Variants in SLC13A3 observed in about 807,000 individuals in gnomAD.
The protein encoded by SLC13A3 is Na(+)/dicarboxylate cotransporter 3.
A neutral mutation model predicts 59.0 loss-of-function variants in SLC13A3; 40 were observed. That is an observed-to-expected ratio of 0.68 (90% CI 0.53 to 0.88). The LOEUF is 0.88. Ranked by LOEUF, SLC13A3 falls within the 40% of genes least tolerant of loss-of-function variation. The probability of loss-of-function intolerance (pLI) is 0.00; values close to 1 mark genes in which losing one functional copy is unlikely to be tolerated. For missense variants in SLC13A3, 699 were observed against 783.2 expected, an observed-to-expected ratio of 0.89 and a Z score of 1.28; for synonymous variants, 317 against 330.3, an observed-to-expected ratio of 0.96 and a Z score of 0.44.
chr20:46,592,013 C>G (rs935485101), intron 6 of SLC13A3, among the ~76,000 whole-genome samples: 1 of 151,466 alleles, frequency 6.6e-6, no homozygotes, highest in African/African-American at 2.4e-5. Context: ...TTGAGACAAG[C>G]CTGGGCAATA....
intron 1 of SLC13A3, among the ~76,000 whole-genome samples, chr20:46,619,896 A>G (rs779943923): frequency 6.6e-6 from 1 of 152,128 alleles, no homozygotes; most frequent in Non-Finnish European, 1.5e-5. Context: ...TTGTTGCAAG[A>G]CTTCCTGGAT....
intron 3 of SLC13A3, among the ~76,000 whole-genome samples, chr20:46,607,085 G>T (rs1193889020): frequency 2.0e-5 from 3 of 152,218 alleles, no homozygotes; most frequent in Non-Finnish European, 4.4e-5. Context: ...TTCTGACAGA[G>T]CTCAGCAAAT....
intron 1 of SLC13A3, among the ~76,000 whole-genome samples, chr20:46,641,061 G>A (rs1374767129): frequency 6.6e-6 from 1 of 152,142 alleles, no homozygotes; most frequent in East Asian, 1.9e-4. Flanking sequence ...AGAGCATGGA[G>A]GGGCACAGAT....
chr20:46,571,577 G>A (rs1022983797), intron 10 of SLC13A3, among the ~76,000 whole-genome samples: 1 of 152,128 alleles, frequency 6.6e-6, no homozygotes, highest in Non-Finnish European at 1.5e-5. Flanking sequence ...GCACCATTAC[G>A]CACCCGGTGT....
At chr20:46,650,803 C>T (rs963478724) in intron 1 of SLC13A3, among the ~76,000 whole-genome samples, 1 of 152,138 alleles carries the variant, frequency 6.6e-6, no homozygotes, top group East Asian at 1.9e-4. Context: ...CAGTGGTTCA[C>T]GTCTGTAATC....
chr20:46,645,168 A>G (rs1470886852), intron 1 of SLC13A3, among the ~76,000 whole-genome samples: 4 of 152,078 alleles, frequency 2.6e-5, no homozygotes, highest in South Asian at 2.1e-4. Context: ...CTCTGCTTCC[A>G]TCATCCTATT....
chr20:46,608,780 G>A, intron 3 of SLC13A3: 1 of 1,344,210 alleles, frequency 7.4e-7, no homozygotes, highest in East Asian at 2.5e-5. Flanking sequence ...CAAAACCTAT[G>A]GTTTCATGGA....
intron 6 of SLC13A3, 62 bp downstream of exon 6, chr20:46,592,342 T>C: frequency 6.3e-7 from 1 of 1,596,392 alleles, no homozygotes; most frequent in Non-Finnish European, 8.6e-7. Flanking sequence ...AGGCAGATAC[T>C]GAGGTTAGAA....
chr20:46,616,380 A>G (rs568304450), intron 1 of SLC13A3, among the ~76,000 whole-genome samples: 1 of 152,286 alleles, frequency 6.6e-6, no homozygotes, highest in Admixed American at 6.5e-5. Flanking sequence ...CCTTCCACCT[A>G]TCCTGGCAGC....
chr20:46,630,041 C>T (rs1211320849), intron 1 of SLC13A3, among the ~76,000 whole-genome samples: 1 of 151,980 alleles, frequency 6.6e-6, no homozygotes, highest in African/African-American at 2.4e-5. Flanking sequence ...AGGGGCTGGC[C>T]CACAGGTATC....
intron 1 of SLC13A3, among the ~76,000 whole-genome samples, chr20:46,640,741 A>C (rs1476511295): frequency 6.6e-6 from 1 of 152,162 alleles, no homozygotes; most frequent in Non-Finnish European, 1.5e-5. Flanking sequence ...CAGTTTGGAC[A>C]CACGTGTCTG....
At chr20:46,629,553 C>T (rs761837832) in intron 1 of SLC13A3, among the ~76,000 whole-genome samples, 4 of 152,156 alleles carry the variant, frequency 2.6e-5, no homozygotes, top group African/African-American at 4.8e-5. Flanking sequence ...GTCTTCCATA[C>T]TAATTGTTTT....
At chr20:46,680,022 C>T (rs1180757920) in intron 1 of SLC13A3, among the ~76,000 whole-genome samples, 3 of 152,148 alleles carry the variant, frequency 2.0e-5, no homozygotes, top group Admixed American at 1.3e-4. Flanking sequence ...GCCTCTACTC[C>T]CCCATCTGTA....
chr20:46,647,756 C>A (rs903813646), intron 1 of SLC13A3, among the ~76,000 whole-genome samples: 3 of 152,188 alleles, frequency 2.0e-5, no homozygotes, highest in Admixed American at 2.0e-4. Context: ...GCATGAAAAC[C>A]AACCCTCTTA....
Position 46,566,375 on chromosome 20 carries a change from C to T in SLC13A3, c.1348G>A (p.Val450Ile). 2 of 1,612,856 alleles carry T rather than the reference C, an allele frequency of 1.2e-6. No individual in the cohort carries two copies. The highest frequency in any genetic ancestry group is 1.7e-6 in the Non-Finnish European group (2 of 1,179,140). Residue 450 changes from valine to isoleucine, a missense_variant, in exon 11 of 13, where the codon GTA becomes ATA. Transcript: ENST00000279027. ...AKGCEESGLS[V>I]WIGGQLHPLE... ...GGGTGCAGCTGCCCACCAATCCATACAGACAGCCCCGATTCCTGCGGAGGG... is the reference window on the plus strand; with the variant it reads ...GGGTGCAGCTGCCCACCAATCCATATAGACAGCCCCGATTCCTGCGGAGGG...
intron 10 of SLC13A3, among the ~76,000 whole-genome samples, chr20:46,571,989 C>T (rs541892060): frequency 2.0e-5 from 3 of 152,142 alleles, no homozygotes; most frequent in Non-Finnish European, 4.4e-5. Context: ...TTGTCCCATA[C>T]AGCTTTCTGT....
intron 10 of SLC13A3, among the ~76,000 whole-genome samples, 178 bp downstream of exon 10, chr20:46,575,395 T>G (rs1167050455): frequency 6.6e-6 from 1 of 152,208 alleles, no homozygotes; most frequent in Admixed American, 6.5e-5. Context: ...TTCCTCTCTT[T>G]CTCTGTAGCA....
chr20:46,580,392 T>C (rs1357276694), intron 9 of SLC13A3, among the ~76,000 whole-genome samples: 1 of 151,478 alleles, frequency 6.6e-6, no homozygotes, highest in East Asian at 1.9e-4. Flanking sequence ...CTGTACCCAA[T>C]CTGCTGTATA....
At chr20:46,657,474 G>A (rs1264767394) in intron 1 of SLC13A3, among the ~76,000 whole-genome samples, 1 of 151,852 alleles carries the variant, frequency 6.6e-6, no homozygotes, top group East Asian at 1.9e-4. Flanking sequence ...ACGAGATTTT[G>A]GCTCTTATTT....
Sources: allele counts gnomAD v4.1 joint callset (sites outside exome capture counted in the v4.1 genomes callset), GRCh38; gene constraint gnomAD v4.1.1; transcripts MANE v1.5; gene names NCBI Gene and HGNC (gene_info 2026-07-23, HGNC 2026-07-21).